Variants in ZNF385A observed in about 807,000 individuals in gnomAD.
ZNF385A encodes zinc finger protein 385A.
In ZNF385A, 14 loss-of-function variants were observed where a neutral mutation model predicts 32.1. The observed-to-expected ratio is 0.44, with a 90% confidence interval of 0.29 to 0.68. The LOEUF (loss-of-function observed/expected upper bound fraction) is 0.68. ZNF385A is among the 30% of genes least tolerant of loss of function. The pLI is 0.14. For synonymous variants in ZNF385A, 197 were observed against 202.7 expected (o/e 0.97, Z 0.24); for missense variants, 406 against 478.4 (o/e 0.85, Z 1.41).
chr12:54,386,730 C>T (rs568759835), upstream of ZNF385A, among the ~76,000 whole-genome samples: 16 of 152,310 alleles, frequency 1.1e-4, no homozygotes, highest in African/African-American at 3.8e-4. Context: ...TGACCCTTTC[C>T]CTGGTTCTAG....
chr12:54,387,051 T>C (rs1265895420), upstream of ZNF385A, among the ~76,000 whole-genome samples: 1 of 152,240 alleles, frequency 6.6e-6, no homozygotes, highest in Non-Finnish European at 1.5e-5. Flanking sequence ...AAATTCTTTC[T>C]CTGCTACCTT....
upstream of ZNF385A, among the ~76,000 whole-genome samples, chr12:54,386,885 TGAA>T (rs536015126): frequency 3.1e-3 from 479 of 152,338 alleles, 2 homozygotes; most frequent in African/African-American, 0.011. Context: ...AGTAGCTCAA[TGAA>T]GTAGCCATGA....
chr12:54,374,952 T>A (rs754744878), intron 2 of ZNF385A, among the ~76,000 whole-genome samples: 13 of 151,986 alleles, frequency 8.6e-5, no homozygotes, highest in Non-Finnish European at 1.9e-4. Context: ...GAATGTACCA[T>A]CCTGGAGGCA....
In ZNF385A at chr12:54,370,273, G is replaced by A; in HGVS notation, c.1084C>T (p.Leu362Phe). ...GPIRTAHGPI[L>F]FSPY The stretch of plus-strand genomic sequence containing the variant: ...GGTTGAGGTCAGTACGGGGAGAAGA[G>A]GATGGGTCCGTGCGCAGTTCGGATG... The change falls in exon 7 of 7, where the codon CTC (leucine) becomes TTC (phenylalanine). Residue 362 changes from leucine to phenylalanine, a missense_variant. Physicochemically the swap from Leu to Phe is conservative, Grantham distance 22 (BLOSUM62 0). Transcript: ENST00000394313. This position sits in a 1 kb window ranked among gnomAD's most constrained non-coding sequence, Gnocchi z 5.5. 2 of 1,466,270 alleles carry A rather than the reference G, an allele frequency of 1.4e-6. No individual in the cohort carries two copies. The highest frequency in any genetic ancestry group is 1.8e-6 in the Non-Finnish European group (2 of 1,107,120). The allele number at this position is 1,466,270 out of a possible 1,614,324, so 90.8% of individuals were successfully genotyped here. A position where few individuals can be genotyped will look rare whatever the true frequency, so the allele number is the denominator to read the frequency against.
chr12:54,389,326 AGGGTCCCTGG>A (rs567714891), upstream of ZNF385A, among the ~76,000 whole-genome samples: 22 of 152,222 alleles, frequency 1.4e-4, no homozygotes, highest in East Asian at 2.7e-3. Context: ...AAACCTTTGT[AGGGTCCCTGG>A]GGGTCCCTGG....
At chr12:54,372,404 C>T (rs1954601085) in intron 3 of ZNF385A, among the ~76,000 whole-genome samples, 1 of 152,088 alleles carries the variant, frequency 6.6e-6, no homozygotes, top group South Asian at 2.1e-4. Flanking sequence ...GGGAGGGGAA[C>T]TCCTCACCCC....
At position 54,375,904 on chromosome 12, in the gene ZNF385A, C is replaced by T; in HGVS notation, c.138G>A (p.Leu46=). The change falls in exon 2 of 7, where the codon TTG becomes TTA. Residue 46 remains leucine, a synonymous_variant. Transcript: ENST00000394313. The stretch of plus-strand genomic sequence containing the variant: ...AAATGACGGGCCGCTTGGTCTTGAG[C>T]AAGGGTCCCCCAAAAGTGTGGGAGA... ...AVLSHTFGGP[L]LKTKRPVISC... 6.2e-7 allele frequency: 1 copy of T among 1,614,136 alleles called. No individual in the cohort carries two copies.
chr12:54,375,748 C>T (rs2137208393), intron 2 of ZNF385A, 96 bp downstream of exon 2: 1 of 1,031,474 alleles, frequency 9.7e-7, no homozygotes, highest in South Asian at 1.3e-5. Flanking sequence ...TGCCCCTCAA[C>T]CAGAGTAAGT....
At position 54,370,523 on chromosome 12, in the gene ZNF385A, C is replaced by CG; in HGVS notation, c.871-38dup. On this transcript the variant is annotated intron_variant, in intron 6 of 6. Transcript: ENST00000394313. The surrounding 1 kb of genome is among the most constrained non-coding windows in gnomAD (Gnocchi z 5.5). ...GAAAGGCGGAGGAAGAGAAGTCACC[C>CG]GGCGGTCCTGCAAACCCCACCTCTC... 1 of 1,550,596 alleles carries CG rather than the reference C, an allele frequency of 6.4e-7. No homozygotes were observed. Among genetic ancestry groups the CG allele is most frequent in the Non-Finnish European group, 8.7e-7 (1 of 1,146,550 alleles).
chr12:54,373,999 T>C lies in ZNF385A; in HGVS notation c.335A>G (p.Asn112Ser). The C allele has an allele frequency of 6.3e-7, 1 of 1,575,254 alleles. No individual in the cohort carries two copies. Among genetic ancestry groups the C allele is most frequent in the Non-Finnish European group, 8.6e-7 (1 of 1,158,244 alleles). ...TGGACGGGGTGCTACACCATCCCCA[T>C]TTGTTGGGGTGCTGCCTGGGGGAGC... The part of the protein sequence containing the change: ...DPAPPGSTPT[N>S]GDGVAPRPVS... The change falls in exon 3 of 7, where the codon AAT becomes AGT. Residue 112 changes from asparagine (N) to serine (S), a missense_variant. Physicochemically the swap from Asn to Ser is conservative, Grantham distance 46 (BLOSUM62 1). Coordinates refer to ENST00000394313, the MANE Select transcript of ZNF385A (RefSeq NM_015481.3).
chr12:54,370,945 C>A lies in ZNF385A; in HGVS notation c.756G>T (p.Ser252=). 6.2e-7 allele frequency: 1 copy of A among 1,614,208 alleles called. No homozygotes were observed. The highest frequency in any genetic ancestry group is 8.5e-7 in the Non-Finnish European group (1 of 1,180,042). Residue 252 remains serine, a synonymous_variant, in exon 5 of 7, where the codon TCG becomes TCT. Coordinates refer to ENST00000394313, the MANE Select transcript of ZNF385A (RefSeq NM_015481.3). The surrounding 1 kb of genome is among the most constrained non-coding windows in gnomAD (Gnocchi z 5.5). ...GACCCACCTGTTTCAGTTGGACCTC[C>A]GAGTTGACCTTGACATTGCAGATCT... ...HCEICNVKVN[S]EVQLKQHISS... is the part of the protein sequence containing the mutation.
rs200446001 is a variant in ZNF385A, at chr12:54,373,957, G to A, written c.361+16C>T. 1,231 of 1,464,448 alleles carry A rather than the reference G, an allele frequency of 8.4e-4. 3 individuals carry two copies. The highest frequency in any genetic ancestry group is 7.1e-4 in the Non-Finnish European group (777 of 1,096,048). The allele number at this position is 1,464,448 out of a possible 1,614,324, so 90.7% of individuals were successfully genotyped here. A position where few individuals can be genotyped will look rare whatever the true frequency, so the allele number is the denominator to read the frequency against. ...GACAGAGATCAGTTGAAGAATATGCGGGGATTCAGACACACCTGGACGGGG... is the reference window on the plus strand; with the variant it reads ...GACAGAGATCAGTTGAAGAATATGCAGGGATTCAGACACACCTGGACGGGG... On this transcript the variant is annotated intron_variant, in intron 3 of 6. Coordinates refer to ENST00000394313, the MANE Select transcript of ZNF385A (RefSeq NM_015481.3).
upstream of ZNF385A, among the ~76,000 whole-genome samples, chr12:54,387,332 G>T (rs561377664): frequency 3.9e-5 from 6 of 152,262 alleles, no homozygotes; most frequent in African/African-American, 1.4e-4. Flanking sequence ...GTACAGTGAG[G>T]GAAGGAAGCA....
At chr12:54,384,918 CTCT>C (rs1255696519), upstream of ZNF385A, 11 of 1,042,330 alleles carry the variant, frequency 1.1e-5, no homozygotes, top group African/African-American at 6.7e-5. Flanking sequence ...CCTGGCCACC[CTCT>C]TCTTCTGGTT....
At chr12:54,371,861 C>T (rs2137166930) in intron 3 of ZNF385A, 146 bp from the exon 4 acceptor site, 1 of 1,204,948 alleles carries the variant, frequency 8.3e-7, no homozygotes, top group South Asian at 1.5e-5. Flanking sequence ...ATGCCCTGGT[C>T]CAGAGCCAGA....
rs1360890318 is a variant in ZNF385A, at chr12:54,371,488, C to T, written c.589G>A (p.Glu197Lys). ...GAGTCCATACCTTTGTTATGTGCCT[C>T]AAGCTGGGACAGGGAGTTCACAGCC... ...KVAVNSLSQL[E>K]AHNKGTKHKT... is the part of the protein sequence containing the mutation. The change falls in exon 4 of 7, where the codon GAG becomes AAG. Residue 197 changes from glutamate to lysine, a missense_variant. By Grantham distance (56) the Glu-to-Lys change is moderately conservative. Transcript: ENST00000394313. The T allele has an allele frequency of 6.2e-7, 1 of 1,608,200 alleles. No homozygotes were observed. Among genetic ancestry groups the T allele is most frequent in the Non-Finnish European group, 8.5e-7 (1 of 1,177,882 alleles).
chr12:54,387,511 C>T (rs1955523279), upstream of ZNF385A, among the ~76,000 whole-genome samples: 1 of 152,238 alleles, frequency 6.6e-6, no homozygotes, highest in Non-Finnish European at 1.5e-5. Flanking sequence ...CTGAGGCTAA[C>T]AATAGTTGCC....
At chr12:54,378,778 G>A (rs1221478756) in intron 1 of ZNF385A, among the ~76,000 whole-genome samples, 1 of 152,082 alleles carries the variant, frequency 6.6e-6, no homozygotes, top group Non-Finnish European at 1.5e-5. Flanking sequence ...GATCAGTGTG[G>A]TCATTGGAGG....
chr12:54,380,898 A>G (rs988614393), intron 1 of ZNF385A, among the ~76,000 whole-genome samples: 5 of 152,074 alleles, frequency 3.3e-5, no homozygotes, highest in African/African-American at 4.8e-5. Flanking sequence ...CTCCATCTCT[A>G]CTAAAAATAC....
Sources: gnomAD v4.1 joint callset for allele counts (sites outside exome capture counted in the v4.1 genomes callset) on GRCh38, gnomAD v4.1.1 for gene constraint, Gnocchi (gnomAD v3.1) non-coding constraint, MANE v1.5 for transcripts, NCBI Gene and HGNC (gene_info 2026-07-23, HGNC 2026-07-21) for gene names.